Variants in BCHE observed in about 807,000 individuals in gnomAD.
BCHE encodes butyrylcholinesterase.
BCHE carries 48 observed loss-of-function variants against 51.3 expected under a neutral mutation model. The ratio of observed to expected loss-of-function variants is 0.94; its 90% CI spans 0.74 to 1.19. The LOEUF (loss-of-function observed/expected upper bound fraction) is 1.19. Among genes scored for constraint, BCHE ranks in the 50% most tolerant of loss-of-function variants. The probability of loss-of-function intolerance (pLI) is 0.00; values close to 1 mark genes in which losing one functional copy is unlikely to be tolerated. For missense variants in BCHE, 847 were observed against 708.2 expected (o/e 1.20, Z -2.23); for synonymous variants, 251 against 238.0 (o/e 1.05, Z -0.50).
rs367844208 is a variant in BCHE, at chr3:165,830,823, A to G, written c.211T>C (p.Phe71Leu). Residue 71 changes from phenylalanine (F) to leucine (L), a missense_variant, in exon 2 of 4, where the codon TTC becomes CTC. Coordinates refer to ENST00000264381, the MANE Select transcript of BCHE (RefSeq NM_000055.4). ...YAQPPLGRLR[F>L]KKPQSLTKWS... The stretch of plus-strand genomic sequence containing the variant: ...TTGGTCAGAGACTGTGGCTTTTTGA[A>G]TCGAAGTCTACCAAGAGGTGGCTGT... 2.5e-6 allele frequency: 4 copies of G among 1,613,736 alleles called. No homozygotes were observed. The highest frequency in any genetic ancestry group is 2.2e-5 in the East Asian group (1 of 44,868).
chr3:165,812,286 A>T (rs955779227), intron 2 of BCHE, among the ~76,000 whole-genome samples: 2 of 147,710 alleles, frequency 1.4e-5, no homozygotes, highest in South Asian at 2.1e-4. Flanking sequence ...TGAGTCTTTG[A>T]TTTTTTTTTT....
chr3:165,796,316 A>G (rs1713374535), intron 2 of BCHE, among the ~76,000 whole-genome samples: 1 of 152,182 alleles, frequency 6.6e-6, no homozygotes, highest in African/African-American at 2.4e-5. Context: ...AGAAAGAAAC[A>G]TTTGGTTTGA....
At chr3:165,802,670 A>G (rs1157020572) in intron 2 of BCHE, among the ~76,000 whole-genome samples, 2 of 151,794 alleles carry the variant, frequency 1.3e-5, no homozygotes, top group African/African-American at 4.8e-5. Context: ...ATTTACAGAG[A>G]TATACATTCA....
At chr3:165,777,843 C>A in intron 3 of BCHE, 1 of 422,472 alleles carries the variant, frequency 2.4e-6, no homozygotes. Context: ...TGATGATCAA[C>A]TTCCACTCAA....
intron 2 of BCHE, among the ~76,000 whole-genome samples, chr3:165,827,818 T>C (rs1714787124): frequency 6.6e-6 from 1 of 152,142 alleles, no homozygotes; most frequent in Admixed American, 6.6e-5. Flanking sequence ...GTTCTTTCCT[T>C]GAGCAGAAAT....
intron 2 of BCHE, among the ~76,000 whole-genome samples, chr3:165,800,812 A>T (rs1448351147): frequency 2.0e-5 from 3 of 152,144 alleles, no homozygotes; most frequent in Admixed American, 6.5e-5. Context: ...TGGGCAATGG[A>T]TATAACAGTA....
At chr3:165,834,999 A>G (rs900899240) in intron 1 of BCHE, among the ~76,000 whole-genome samples, 1 of 151,914 alleles carries the variant, frequency 6.6e-6, no homozygotes. Flanking sequence ...TTATCAAAAT[A>G]GTATTTAATA....
At chr3:165,795,375 A>G (rs1476408949) in intron 2 of BCHE, among the ~76,000 whole-genome samples, 1 of 152,204 alleles carries the variant, frequency 6.6e-6, no homozygotes, top group Non-Finnish European at 1.5e-5. Flanking sequence ...ATAGTTTGTT[A>G]GGAAGGTCTT....
intron 2 of BCHE, among the ~76,000 whole-genome samples, chr3:165,809,196 T>C (rs1183317367): frequency 6.6e-6 from 1 of 152,204 alleles, no homozygotes; most frequent in African/African-American, 2.4e-5. Context: ...TTCATGTTTC[T>C]ATATCGCAAA....
Position 165,830,402 on chromosome 3 carries a change from G to C in BCHE, c.632C>G (p.Ala211Gly), listed in dbSNP as rs768341160. Residue 211 changes from alanine to glycine, a missense_variant, in exon 2 of 4, where the codon GCA becomes GGA. Transcript: ENST00000264381. ...ACTTTTAGGATTTCCACCAAAGGCT[G>C]CTATATTTTTTTGAACCCACTGAAG... ...LALQWVQKNI[A>G]AFGGNPKSVT... The C allele has an allele frequency of 6.2e-7, 1 of 1,613,954 alleles. No homozygotes were observed. The highest frequency in any genetic ancestry group is 1.1e-5 in the South Asian group (1 of 91,080).
intron 2 of BCHE, among the ~76,000 whole-genome samples, chr3:165,812,178 G>A (rs138965118): frequency 1.9e-3 from 287 of 151,818 alleles, no homozygotes; most frequent in African/African-American, 6.8e-3. Context: ...AATTTTATCA[G>A]TAGCTGAACA....
At chr3:165,801,929 A>G (rs1713665934) in intron 2 of BCHE, among the ~76,000 whole-genome samples, 1 of 152,184 alleles carries the variant, frequency 6.6e-6, no homozygotes, top group Non-Finnish European at 1.5e-5. Flanking sequence ...TCTAGTCATA[A>G]TATTACACAC....
At chr3:165,833,230 T>C (rs73165102) in intron 1 of BCHE, among the ~76,000 whole-genome samples, 9,133 of 152,222 alleles carry the variant, frequency 0.06, 352 homozygotes, top group Middle Eastern at 0.092. Flanking sequence ...TAGGTACTAT[T>C]ATATATAATT....
chr3:165,819,607 ATACT>A (rs1313798369), intron 2 of BCHE, among the ~76,000 whole-genome samples: 13 of 152,060 alleles, frequency 8.5e-5, no homozygotes, highest in Admixed American at 5.9e-4. Flanking sequence ...TTTAATCAAC[ATACT>A]TATTTATTTT....
intron 2 of BCHE, among the ~76,000 whole-genome samples, chr3:165,820,991 G>A (rs1394930941): frequency 6.6e-6 from 1 of 151,276 alleles, no homozygotes; most frequent in Non-Finnish European, 1.5e-5. Context: ...TCTGTCACCT[G>A]TTAGTTGCAA....
intron 2 of BCHE, among the ~76,000 whole-genome samples, chr3:165,824,507 T>C (rs914152887): frequency 2.6e-5 from 4 of 152,042 alleles, no homozygotes; most frequent in Non-Finnish European, 5.9e-5. Context: ...ATGCTCCACA[T>C]CTATTATTTA....
intron 3 of BCHE, 131 bp from the exon 4 acceptor site, chr3:165,773,637 T>C: frequency 1.5e-6 from 1 of 682,242 alleles, no homozygotes; most frequent in Middle Eastern, 4.2e-4. Flanking sequence ...TTATTCTTTA[T>C]TATTTGTTAT....
intron 1 of BCHE, among the ~76,000 whole-genome samples, 172 bp downstream of exon 1, chr3:165,837,142 G>C (rs1715217435): frequency 6.6e-6 from 1 of 152,168 alleles, no homozygotes; most frequent in Non-Finnish European, 1.5e-5. Context: ...AAGATTTGAT[G>C]CATGTGCCTG....
intron 2 of BCHE, among the ~76,000 whole-genome samples, chr3:165,794,583 T>A (rs909144023): frequency 6.6e-6 from 1 of 152,168 alleles, no homozygotes; most frequent in Admixed American, 6.5e-5. Context: ...CTATTTGAGG[T>A]CTCTGATATA....
Sources: allele counts gnomAD v4.1 joint callset (sites outside exome capture counted in the v4.1 genomes callset), GRCh38; gene constraint gnomAD v4.1.1; transcripts MANE v1.5; gene names NCBI Gene and HGNC (gene_info 2026-07-23, HGNC 2026-07-21).